YJEFN3: variants seen among roughly 807,000 people sequenced by gnomAD.
The protein encoded by YJEFN3 is yjeF N-terminal domain-containing protein 3.
YJEFN3 carries 29 observed loss-of-function variants against 31.5 expected under a neutral mutation model. The observed-to-expected ratio is 0.92, with a 90% CI of 0.69 to 1.26. The LOEUF is 1.26. Among genes scored for constraint, YJEFN3 ranks in the 50% most tolerant of loss-of-function variants. YJEFN3 has a pLI of 0.00. For synonymous variants in YJEFN3, 227 were observed against 196.1 expected (o/e 1.16, Z -1.32); for missense variants, 442 against 425.4 (o/e 1.04, Z -0.34).
Position 19,535,446 on chromosome 19 carries a change from C to G in YJEFN3, c.539C>G (p.Thr180Ser), listed in dbSNP as rs1409424249. Residue 180 changes from threonine (T) to serine (S), a missense_variant, in exon 5 of 7, where the codon ACT (threonine) becomes AGT (serine). Transcript: ENST00000514277. ...ATCCCCTTCCTGAGCTACCTGCCCA[C>G]TGAGGTCAGCGCTGGGTGGCAAGCA... ...MDIPFLSYLPTEVQLINEAYG... is the reference protein window; with the variant it reads ...MDIPFLSYLPSEVQLINEAYG... 1.9e-6 allele frequency: 3 copies of G among 1,613,886 alleles called. No homozygotes were observed. Among genetic ancestry groups the G allele is most frequent in the Non-Finnish European group, 2.5e-6 (3 of 1,179,976 alleles).
intron 2 of YJEFN3, among the ~76,000 whole-genome samples, chr19:19,531,928 C>T (rs1459794733): frequency 6.6e-6 from 1 of 151,742 alleles, no homozygotes. Flanking sequence ...TTAGTAGAAA[C>T]AGGGTTTCAC....
chr19:19,529,213 C>T (rs2061129027), intron 1 of YJEFN3, 151 bp from the exon 2 acceptor site: 1 of 1,446,372 alleles, frequency 6.9e-7, no homozygotes, highest in East Asian at 2.5e-5. Flanking sequence ...AATCCGAGAC[C>T]CTCCTGGCAT....
chr19:19,533,178 C>G (rs1485113191), intron 3 of YJEFN3: 1 of 997,630 alleles, frequency 1.0e-6, no homozygotes, highest in Non-Finnish European at 1.2e-6. Flanking sequence ...AGCTGCAACC[C>G]AGGTGTGTCT....
At chr19:19,535,835 T>C (rs1364956684) in intron 6 of YJEFN3, 156 bp downstream of exon 6, 1 of 1,023,602 alleles carries the variant, frequency 9.8e-7, no homozygotes, top group Non-Finnish European at 1.5e-6. Flanking sequence ...CCCATCCCTC[T>C]GATGGGGAAG....
At chr19:19,533,073 C>G (rs1445947109) in intron 3 of YJEFN3, 1 of 1,114,732 alleles carries the variant, frequency 9.0e-7, no homozygotes, top group African/African-American at 1.6e-5. Context: ...CTCCTGCGAT[C>G]TGAACACCCC....
chr19:19,529,392 G>A lies in YJEFN3; in HGVS notation c.88G>A (p.Asp30Asn), dbSNP rs200980208. ...RALELQPPLADMGRAELSSNA... is the reference protein window; with the variant it reads ...RALELQPPLANMGRAELSSNA... The stretch of plus-strand genomic sequence containing the variant: ...CTTGGAGCTGCAGCCCCCACTTGCC[G>A]ACATGGGAAGAGCGGAGCTTAGCTC... The change falls in exon 2 of 7, where the codon GAC becomes AAC. Residue 30 changes from aspartate (D) to asparagine (N), a missense_variant. Asp to Asn is a conservative substitution (Grantham distance 23). Coordinates refer to ENST00000514277, the MANE Select transcript of YJEFN3 (RefSeq NM_198537.4). 1.6e-5 allele frequency: 26 copies of A among 1,613,490 alleles called. No individual in the cohort carries two copies. Among genetic ancestry groups the A allele is most frequent in the Non-Finnish European group, 1.8e-5 (21 of 1,179,790 alleles).
At chr19:19,535,800 C>A in intron 6 of YJEFN3, 121 bp downstream of exon 6, 1 of 1,318,418 alleles carries the variant, frequency 7.6e-7, no homozygotes, top group Non-Finnish European at 1.1e-6. Context: ...GATGGACCCA[C>A]ACTTGGCTGA....
chr19:19,531,546 A>G (rs897620536), intron 2 of YJEFN3, among the ~76,000 whole-genome samples: 1 of 151,608 alleles, frequency 6.6e-6, no homozygotes, highest in Non-Finnish European at 1.5e-5. Context: ...CTCCTGGGTC[A>G]CCGGGATTAC....
chr19:19,531,358 G>T (rs1385643175), intron 2 of YJEFN3, among the ~76,000 whole-genome samples: 2 of 152,208 alleles, frequency 1.3e-5, no homozygotes, highest in African/African-American at 4.8e-5. Flanking sequence ...CGGCTTCTCT[G>T]AATCATTAGT....
Position 19,535,515 on chromosome 19 carries a change from C to T in YJEFN3, c.544-14C>T, listed in dbSNP as rs914203139. 1.9e-6 allele frequency: 3 copies of T among 1,607,632 alleles called. No homozygotes were observed. In the East Asian group the frequency reaches 6.7e-5, roughly 36 times the overall value. ...GTGGCCCTGGGCCACCCTGACCCTG[C>T]CTGCCTTCCCCAGGTGCAGCTCATT... On this transcript the variant is annotated splice_polypyrimidine_tract_variant and intron_variant, in intron 5 of 6. Transcript: ENST00000514277.
chr19:19,533,359 CTCAGAAAACTG>C, intron 3 of YJEFN3: 1 of 985,728 alleles, frequency 1.0e-6, no homozygotes, highest in Non-Finnish European at 1.2e-6. Flanking sequence ...ACGTGAACGC[CTCAGAAAACTG>C]TCCCATACAG....
chr19:19,532,853 G>A, intron 3 of YJEFN3, 113 bp downstream of exon 3: 1 of 1,116,098 alleles, frequency 9.0e-7, no homozygotes, highest in Non-Finnish European at 1.2e-6. Context: ...TTTTTGCTTG[G>A]GCCTACCCCA....
At chr19:19,536,707 C>G (rs897461274) in intron 6 of YJEFN3, among the ~76,000 whole-genome samples, 8 of 151,426 alleles carry the variant, frequency 5.3e-5, no homozygotes, top group African/African-American at 1.9e-4. Context: ...CGCAATGGCT[C>G]ACACCCATAA....
chr19:19,529,640 C>G, intron 2 of YJEFN3, 127 bp downstream of exon 2: 1 of 1,264,316 alleles, frequency 7.9e-7, no homozygotes, highest in Non-Finnish European at 1.1e-6. Context: ...CGTCCAACAG[C>G]TCCTGCCCAC....
chr19:19,534,046 G>A lies in YJEFN3; in HGVS notation c.319-988G>A, dbSNP rs1016549502. 7.1e-6 allele frequency: 7 copies of A among 985,494 alleles called. No individual in the cohort carries two copies. The African/African-American group carries it at 1.2e-4, about 17-fold the overall frequency. The allele number at this position is 985,494 out of a possible 1,614,324, so 61.0% of individuals were successfully genotyped here. On this transcript the variant is annotated intron_variant, in intron 3 of 6. Transcript: ENST00000514277. The surrounding 1 kb of genome is among the most constrained non-coding windows in gnomAD (Gnocchi z 4.6). ...ACAGCTGGGGCTCAAGAGACACCCAGAGTGCCTGTCAGGCGGTGGCACTGT... is the reference window on the plus strand; with the variant it reads ...ACAGCTGGGGCTCAAGAGACACCCAAAGTGCCTGTCAGGCGGTGGCACTGT...
At chr19:19,533,198 G>T (rs143192227) in intron 3 of YJEFN3, 14,786 of 994,232 alleles carry the variant, frequency 0.015, 114 homozygotes, top group Non-Finnish European at 0.016. Context: ...TGGCTCTGGA[G>T]TAAACCCCCA....
At chr19:19,529,275 C>T (rs2061129679) in intron 1 of YJEFN3, 89 bp from the exon 2 acceptor site, 1 of 1,487,662 alleles carries the variant, frequency 6.7e-7, no homozygotes, top group Admixed American at 2.3e-5. Context: ...CCGGGGCAGC[C>T]CGCCCCTCAT....
Position 19,534,161 on chromosome 19 carries a change from G to C in YJEFN3, c.319-873G>C, listed in dbSNP as rs993123572. ...GGCAGGGCTGGGGCCAAAATGCCTG[G>C]AGAGACAGAGTCTGAGAGATACAGA... On this transcript the variant is annotated intron_variant, in intron 3 of 6. Coordinates refer to ENST00000514277, the MANE Select transcript of YJEFN3 (RefSeq NM_198537.4). This position sits in a 1 kb window ranked among gnomAD's most constrained non-coding sequence, Gnocchi z 4.6. The C allele has an allele frequency of 1.0e-6, 1 of 985,716 alleles. No homozygotes were observed. The highest frequency in any genetic ancestry group is 1.2e-6 in the Non-Finnish European group (1 of 830,114). 61.1% of individuals were successfully genotyped at this position (985,716 alleles called of 1,614,324 possible).
chr19:19,535,935 G>T, intron 6 of YJEFN3: 3 of 601,378 alleles, frequency 5.0e-6, no homozygotes, highest in Non-Finnish European at 8.8e-6. Flanking sequence ...CCCTGGCCCA[G>T]TTGCCTGGGC....
Sources: gnomAD v4.1 joint callset for allele counts (sites outside exome capture counted in the v4.1 genomes callset) on GRCh38, gnomAD v4.1.1 for gene constraint, Gnocchi (gnomAD v3.1) non-coding constraint, MANE v1.5 for transcripts, NCBI Gene and HGNC (gene_info 2026-07-23, HGNC 2026-07-21) for gene names.